DCLK2: variants seen among roughly 807,000 people sequenced by gnomAD.
DCLK2 encodes doublecortin like kinase 2.
A neutral mutation model predicts 78.4 loss-of-function variants in DCLK2; 31 were observed. The observed-to-expected ratio is 0.40, with a 90% CI of 0.30 to 0.53. The LOEUF (loss-of-function observed/expected upper bound fraction) is 0.53, where lower values mean the gene tolerates loss of function less well. Among genes scored for constraint, DCLK2 ranks in the 20% least tolerant of loss-of-function variants. The probability of loss-of-function intolerance (pLI) is 0.61; values close to 1 mark genes in which losing one functional copy is unlikely to be tolerated. For synonymous variants in DCLK2, 407 were observed against 374.9 expected (o/e 1.09, Z -0.99); for missense variants, 872 against 973.7 (o/e 0.90, Z 1.39).
chr4:150,253,544 A>G lies in DCLK2; in HGVS notation c.2074-2476A>G, dbSNP rs973596804. The G allele has an allele frequency of 2.2e-5, 28 of 1,289,544 alleles. No individual in the cohort carries two copies. The African/African-American group carries it at 3.5e-4, about 16-fold the overall frequency. The allele number at this position is 1,289,544 out of a possible 1,614,324, so 79.9% of individuals were successfully genotyped here. ...CCCGCTGAGACAGTGGGAGAGCCTGAAGCAGAATCCTGGTATTCACCACGC... is the reference window on the plus strand; with the variant it reads ...CCCGCTGAGACAGTGGGAGAGCCTGGAGCAGAATCCTGGTATTCACCACGC... On this transcript the variant is annotated intron_variant, in intron 15 of 15. Transcript: ENST00000296550.
At chr4:150,249,485 CG>C in intron 14 of DCLK2, 82 bp from the exon 15 acceptor site, 1 of 1,136,088 alleles carries the variant, frequency 8.8e-7, no homozygotes, top group Non-Finnish European at 1.3e-6. Flanking sequence ...GTGGTTGAGG[CG>C]GGGAGGGGGA....
intron 2 of DCLK2, among the ~76,000 whole-genome samples, chr4:150,120,804 C>T (rs1213574801): frequency 6.6e-6 from 1 of 152,226 alleles, no homozygotes; most frequent in South Asian, 2.1e-4. Flanking sequence ...CATGGTGGCT[C>T]ACACCTGTAA....
At chr4:150,203,602 GTTTTT>G (rs5862912) in intron 4 of DCLK2, among the ~76,000 whole-genome samples, 188 bp from the exon 5 acceptor site, 1 of 142,020 alleles carries the variant, frequency 7.0e-6, no homozygotes, top group Non-Finnish European at 1.5e-5. Context: ...GTTTCACTCT[GTTTTT>G]TTTTTTTTTG....
intron 12 of DCLK2, among the ~76,000 whole-genome samples, chr4:150,243,926 T>G (rs1743108092): frequency 6.6e-6 from 1 of 151,720 alleles, no homozygotes; most frequent in Admixed American, 6.6e-5. Flanking sequence ...CTGTAAATTT[T>G]ATTTTTTAAT....
chr4:150,104,458 T>C (rs1731113308), intron 2 of DCLK2, among the ~76,000 whole-genome samples: 1 of 127,360 alleles, frequency 7.9e-6, no homozygotes, highest in Non-Finnish European at 1.7e-5. Context: ...ATTGAAATAG[T>C]AACCATTGAA....
chr4:150,232,516 G>C (rs1742154703), intron 9 of DCLK2, 60 bp downstream of exon 9: 1 of 1,588,292 alleles, frequency 6.3e-7, no homozygotes, highest in Non-Finnish European at 8.6e-7. Context: ...ATCCTTGAAG[G>C]ACCTAATCAG....
rs1028668252 is a variant in DCLK2 at position 150,177,866 on chromosome 4, C to T, written c.757-15272C>T. 1.2e-4 allele frequency among the ~76,000 whole-genome samples: 18 copies of T among 152,134 alleles called. No individual in the cohort carries two copies. The East Asian group carries it at 3.5e-3, about 29-fold the overall frequency. On this transcript the variant is annotated intron_variant, in intron 2 of 15. Coordinates refer to ENST00000296550, the MANE Select transcript of DCLK2 (RefSeq NM_001040260.4). ...AAACATGGGTTGGAAGGATATATGCCAAATGCTTGACAGAATTGTCCTGGG... is the reference window on the plus strand; with the variant it reads ...AAACATGGGTTGGAAGGATATATGCTAAATGCTTGACAGAATTGTCCTGGG...
intron 2 of DCLK2, among the ~76,000 whole-genome samples, chr4:150,178,191 G>A (rs548500988): frequency 1.3e-5 from 2 of 152,324 alleles, no homozygotes; most frequent in South Asian, 4.1e-4. Context: ...TGCATATTTA[G>A]AGTAGGCATT....
At chr4:150,203,974 G>A in intron 5 of DCLK2, 85 bp downstream of exon 5, 1 of 1,226,108 alleles carries the variant, frequency 8.2e-7, no homozygotes, top group Non-Finnish European at 1.2e-6. Context: ...TTGGGGGCTT[G>A]AGTACAGTAG....
intron 2 of DCLK2, among the ~76,000 whole-genome samples, chr4:150,118,311 G>C (rs1203096663): frequency 7.9e-6 from 1 of 127,002 alleles, no homozygotes; most frequent in Non-Finnish European, 1.8e-5. Flanking sequence ...GTGTTTACCA[G>C]ATAAAAAACC....
intron 2 of DCLK2, among the ~76,000 whole-genome samples, chr4:150,173,585 G>GT (rs112288252): frequency 3.8e-4 from 58 of 152,274 alleles, no homozygotes; most frequent in African/African-American, 1.3e-3. Context: ...ACAAGGATGT[G>GT]TTTTTTCTAG....
At chr4:150,180,575 T>C (rs1482847749) in intron 2 of DCLK2, among the ~76,000 whole-genome samples, 2 of 152,180 alleles carry the variant, frequency 1.3e-5, no homozygotes, top group Non-Finnish European at 2.9e-5. Context: ...ATCATTGGAC[T>C]CAATAGGTTT....
At chr4:150,255,124 TG>T (rs1350579718) in intron 15 of DCLK2, among the ~76,000 whole-genome samples, 2 of 152,208 alleles carry the variant, frequency 1.3e-5, no homozygotes, top group African/African-American at 4.8e-5. Context: ...AGACTTTTTT[TG>T]TTGTTGTTAA....
At chr4:150,172,639 AGATCATG>A (rs1189208879) in intron 2 of DCLK2, among the ~76,000 whole-genome samples, 2 of 149,276 alleles carry the variant, frequency 1.3e-5, no homozygotes, top group Non-Finnish European at 3.0e-5. Flanking sequence ...AGAAATCCAT[AGATCATG>A]GACCCACAAA....
chr4:150,246,939 T>A (rs1743364988), intron 12 of DCLK2, among the ~76,000 whole-genome samples: 1 of 152,152 alleles, frequency 6.6e-6, no homozygotes, highest in Non-Finnish European at 1.5e-5. Flanking sequence ...AGACTGAGCT[T>A]AAATGAAAGT....
At chr4:150,079,526 AGCCCGCGGGGT>A (rs1341342771) in intron 1 of DCLK2, 78 bp downstream of exon 1, 2 of 1,377,584 alleles carry the variant, frequency 1.5e-6, no homozygotes. Flanking sequence ...CGCAGCGGGG[AGCCCGCGGGGT>A]GCTTTCCAAG....
intron 2 of DCLK2, among the ~76,000 whole-genome samples, chr4:150,129,175 T>C (rs1305825809): frequency 9.2e-5 from 14 of 152,130 alleles, no homozygotes; most frequent in African/African-American, 3.4e-4. Flanking sequence ...ATGAATGACT[T>C]AAAACAGACA....
intron 2 of DCLK2, among the ~76,000 whole-genome samples, chr4:150,110,858 A>G (rs902447180): frequency 3.9e-5 from 6 of 152,132 alleles, no homozygotes; most frequent in African/African-American, 1.4e-4. Flanking sequence ...GTGTATATAT[A>G]CCACATTTTC....
Position 150,256,522 on chromosome 4 carries a change from C to T in DCLK2, c.*275C>T. ...TCGTTCCAGATCATCCCGTCATTTT[C>T]AGTTTGTTGGACATTTTACAGCTTC... On this transcript the variant is annotated 3_prime_UTR_variant, in exon 16 of 16. Coordinates refer to ENST00000296550, the MANE Select transcript of DCLK2 (RefSeq NM_001040260.4). 1 of 422,860 alleles carries T rather than the reference C, an allele frequency of 2.4e-6. No homozygotes were observed. Among genetic ancestry groups the T allele is most frequent in the African/African-American group, 2.1e-5 (1 of 48,206 alleles). 26.2% of individuals were successfully genotyped at this position (422,860 alleles called of 1,614,324 possible).
Sources: gnomAD v4.1 joint callset for allele counts (sites outside exome capture counted in the v4.1 genomes callset) on GRCh38, gnomAD v4.1.1 for gene constraint, MANE v1.5 for transcripts, NCBI Gene and HGNC (gene_info 2026-07-23, HGNC 2026-07-21) for gene names.